Variants in SASH1 observed in about 807,000 individuals in gnomAD.
SASH1 encodes the protein SAM and SH3 domain-containing protein 1.
SASH1 carries 44 observed loss-of-function variants against 125.2 expected under a neutral mutation model. That is an observed-to-expected ratio of 0.35 (90% confidence interval 0.28 to 0.45). The LOEUF is 0.45. Ranked by LOEUF, SASH1 falls within the 20% of genes least tolerant of loss-of-function variation. SASH1 has a pLI of 1.00. For synonymous variants in SASH1, 639 were observed against 649.1 expected (o/e 0.98, Z 0.24); for missense variants, 1,426 against 1,614.5 (o/e 0.88, Z 2.00).
chr6:148,490,132 T>A (rs1779045401), intron 8 of SASH1, among the ~76,000 whole-genome samples: 1 of 151,808 alleles, frequency 6.6e-6, no homozygotes. Context: ...TTATTCACAC[T>A]GTTTCAATAT....
chr6:148,378,594 A>G (rs1783007983), intron 1 of SASH1, among the ~76,000 whole-genome samples: 6 of 152,184 alleles, frequency 3.9e-5, no homozygotes, highest in Admixed American at 3.9e-4. Context: ...TCCTGGGCTC[A>G]AGTGATCCGC....
In SASH1 at chr6:148,544,779, T is replaced by C; in HGVS notation, c.3309T>C (p.Ala1103=). The stretch of plus-strand genomic sequence containing the variant: ...CGCTCACTGAAAACAAGCTGCACGC[T>C]GAAGGCATCGATCTCACGGAGGAGC... ...LETLTENKLH[A]EGIDLTEEPY... is the part of the protein sequence containing the mutation. The change falls in exon 18 of 20, where the codon GCT becomes GCC. Residue 1103 remains alanine, a synonymous_variant. Coordinates refer to ENST00000367467, the MANE Select transcript of SASH1 (RefSeq NM_015278.5). The surrounding 1 kb of genome is among the most constrained non-coding windows in gnomAD (Gnocchi z 6.4). The C allele has an allele frequency of 6.2e-6, 10 of 1,601,974 alleles. No homozygotes were observed. Among genetic ancestry groups the C allele is most frequent in the South Asian group, 1.1e-5 (1 of 89,026 alleles).
chr6:148,523,130 T>C (rs992518084), intron 10 of SASH1, among the ~76,000 whole-genome samples: 3 of 152,240 alleles, frequency 2.0e-5, no homozygotes, highest in Non-Finnish European at 4.4e-5. Flanking sequence ...ACATAAATTC[T>C]TTGTCACTTA....
chr6:148,298,718 A>G (rs866436361), intron 1 of SASH1, among the ~76,000 whole-genome samples: 3 of 90,642 alleles, frequency 3.3e-5, no homozygotes, highest in Admixed American at 1.1e-4. Flanking sequence ...AGGAAGAAGG[A>G]AGGGAAAGGA....
At position 148,540,459 on chromosome 6, in the gene SASH1, A is replaced by G. The variant is rs1391423247; in HGVS notation, c.2112A>G (p.Ser704=). 2 of 1,613,884 alleles carry G rather than the reference A, an allele frequency of 1.2e-6. No homozygotes were observed. The highest frequency in any genetic ancestry group is 2.2e-5 in the South Asian group (2 of 91,046). Residue 704 remains serine (S), a synonymous_variant, in exon 17 of 20, where the codon TCA becomes TCG. Transcript: ENST00000367467. ...CTCCTCTAGGTAACAGCGACCAGTCAGGATCCCAGGAGAAGCTGCTCGTTG... is the reference window on the plus strand; with the variant it reads ...CTCCTCTAGGTAACAGCGACCAGTCGGGATCCCAGGAGAAGCTGCTCGTTG... ...LQEYDSNSDQ[S]GSQEKLLVDS...
At chr6:148,437,019 T>C (rs572857880) in intron 2 of SASH1, among the ~76,000 whole-genome samples, 14 of 152,362 alleles carry the variant, frequency 9.2e-5, no homozygotes, top group Non-Finnish European at 2.1e-4. Flanking sequence ...TCTGTCTACA[T>C]TGTGACATCC....
In SASH1 at chr6:148,540,505, T is replaced by C; in HGVS notation, c.2158T>C (p.Cys720Arg). The change falls in exon 17 of 20, where the codon TGC (cysteine) becomes CGC (arginine). Residue 720 changes from cysteine (C) to arginine (R), a missense_variant. Cys to Arg is a radical substitution (Grantham distance 180, BLOSUM62 -3). Coordinates refer to ENST00000367467, the MANE Select transcript of SASH1 (RefSeq NM_015278.5). ...LLVDSQGLSG[C>R]SPRDSGCYES... Reference sequence around the variant, plus strand: ...CGTTGACAGCCAGGGCCTGAGTGGATGCTCACCCCGAGACTCAGGATGCTA... The same window carrying C: ...CGTTGACAGCCAGGGCCTGAGTGGACGCTCACCCCGAGACTCAGGATGCTA... 1.2e-6 allele frequency: 2 copies of C among 1,614,018 alleles called. No homozygotes were observed. The highest frequency in any genetic ancestry group is 1.7e-6 in the Non-Finnish European group (2 of 1,179,970).
chr6:148,228,176 G>C, the SASH1 span, among the ~76,000 whole-genome samples: 27 of 152,242 alleles, frequency 1.8e-4, no homozygotes, highest in African/African-American at 5.1e-4. Flanking sequence ...CTCCAGCAGG[G>C]TTTTTGATAT....
At chr6:148,338,508 T>C (rs9322144), upstream of SASH1, among the ~76,000 whole-genome samples, 131,056 of 151,910 alleles carry the variant, frequency 0.86, 56,821 homozygotes, top group East Asian at 0.93. Context: ...CACTTGGACT[T>C]ATCATTCAAG....
Position 148,532,725 on chromosome 6 carries a change from C to G in SASH1, c.1565-72C>G. 1 of 1,557,148 alleles carries G rather than the reference C, an allele frequency of 6.4e-7. No individual in the cohort carries two copies. Among genetic ancestry groups the G allele is most frequent in the Non-Finnish European group, 8.8e-7 (1 of 1,139,940 alleles). On this transcript the variant is annotated intron_variant, in intron 13 of 19. Coordinates refer to ENST00000367467, the MANE Select transcript of SASH1 (RefSeq NM_015278.5). The surrounding 1 kb of genome is among the most constrained non-coding windows in gnomAD (Gnocchi z 4.7). ...GCCTTCATTTCCTAATCTGCCATAC[C>G]TTCAATACCTTTCTGCTTTGCTGGG...
chr6:148,504,107 A>C (rs1261662010), intron 8 of SASH1, among the ~76,000 whole-genome samples: 1 of 152,192 alleles, frequency 6.6e-6, no homozygotes, highest in African/African-American at 2.4e-5. Flanking sequence ...CTTTAGTCTA[A>C]GGTAGATGAG....
In SASH1 at chr6:148,540,504, A is replaced by G. The variant is rs771008431; in HGVS notation, c.2157A>G (p.Gly719=). 1.9e-6 allele frequency: 3 copies of G among 1,614,090 alleles called. No homozygotes were observed. Among genetic ancestry groups the G allele is most frequent in the South Asian group, 2.2e-5 (2 of 91,070 alleles). ...KLLVDSQGLS[G]CSPRDSGCYE... ...TCGTTGACAGCCAGGGCCTGAGTGG[A>G]TGCTCACCCCGAGACTCAGGATGCT... The change falls in exon 17 of 20, where the codon GGA becomes GGG. Residue 719 remains glycine (G), a synonymous_variant. Coordinates refer to ENST00000367467, the MANE Select transcript of SASH1 (RefSeq NM_015278.5).
chr6:148,508,741 C>G (rs2115302430), intron 8 of SASH1: 1 of 1,247,154 alleles, frequency 8.0e-7, no homozygotes, highest in Non-Finnish European at 1.0e-6. Context: ...AGACATGTTC[C>G]AGGAGTGCCT....
the SASH1 span, among the ~76,000 whole-genome samples, chr6:148,235,800 A>G: frequency 6.6e-6 from 1 of 152,204 alleles, no homozygotes; most frequent in Non-Finnish European, 1.5e-5. Flanking sequence ...CAATGGCCTT[A>G]AATTTTCCCC....
the SASH1 span, among the ~76,000 whole-genome samples, chr6:148,198,446 A>G: frequency 6.6e-6 from 1 of 152,154 alleles, no homozygotes; most frequent in African/African-American, 2.4e-5. Context: ...CCGCCCACTG[A>G]TATTTGGCTA....
At chr6:148,374,632 T>C (rs1399440018) in intron 1 of SASH1, among the ~76,000 whole-genome samples, 4 of 152,190 alleles carry the variant, frequency 2.6e-5, no homozygotes, top group Non-Finnish European at 2.9e-5. Context: ...ACTCTCACTC[T>C]TAACTTCCAA....
intron 1 of SASH1, among the ~76,000 whole-genome samples, chr6:148,363,387 C>T (rs1272668537): frequency 1.3e-5 from 2 of 151,936 alleles, no homozygotes; most frequent in African/African-American, 4.8e-5. Context: ...AATGATGCGC[C>T]TGCCTGGGCC....
rs1261478045 is a variant in SASH1 at position 148,544,758 on chromosome 6, C to A, written c.3288C>A (p.Leu1096=). ...SCARGVDLET[L]TENKLHAEGI... ...CCCGGGGAGTGGATCTAGAAACGCTCACTGAAAACAAGCTGCACGCTGAAG... is the reference window on the plus strand; with the variant it reads ...CCCGGGGAGTGGATCTAGAAACGCTAACTGAAAACAAGCTGCACGCTGAAG... Residue 1096 remains leucine, a synonymous_variant, in exon 18 of 20, where the codon CTC becomes CTA. Coordinates refer to ENST00000367467, the MANE Select transcript of SASH1 (RefSeq NM_015278.5). This position sits in a 1 kb window ranked among gnomAD's most constrained non-coding sequence, Gnocchi z 6.4. 1 of 1,605,598 alleles carries A rather than the reference C, an allele frequency of 6.2e-7. No homozygotes were observed. The highest frequency in any genetic ancestry group is 1.7e-5 in the Admixed American group (1 of 58,578).
At chr6:148,336,464 C>T (rs1781159420) in intron 1 of SASH1, among the ~76,000 whole-genome samples, 1 of 152,102 alleles carries the variant, frequency 6.6e-6, no homozygotes, top group Non-Finnish European at 1.5e-5. Context: ...AGGCGTGAGC[C>T]ACCATGCCCG....
Sources: allele counts gnomAD v4.1 joint callset (sites outside exome capture counted in the v4.1 genomes callset), GRCh38; gene constraint gnomAD v4.1.1; non-coding constraint Gnocchi (gnomAD v3.1); transcripts MANE v1.5; gene names NCBI Gene and HGNC (gene_info 2026-07-23, HGNC 2026-07-21).